FCHSD2: variants seen among roughly 807,000 people sequenced by gnomAD.
FCHSD2 encodes the protein F-BAR and double SH3 domains protein 2.
Under a neutral mutation model 108.1 loss-of-function variants are expected in FCHSD2, and 38 were observed. The ratio of observed to expected loss-of-function variants is 0.35; its 90% CI spans 0.27 to 0.46. The LOEUF is 0.46. FCHSD2 is among the 20% of genes least tolerant of loss of function. The pLI is 1.00. For missense variants in FCHSD2, 751 were observed against 897.8 expected, an observed-to-expected ratio of 0.84 and a Z score of 2.09; for synonymous variants, 279 against 314.7, an observed-to-expected ratio of 0.89 and a Z score of 1.20.
At chr11:72,969,177 C>G (rs945635790) in intron 8 of FCHSD2, among the ~76,000 whole-genome samples, 1 of 152,200 alleles carries the variant, frequency 6.6e-6, no homozygotes, top group Non-Finnish European at 1.5e-5. Context: ...GTAGCCATGT[C>G]AAAATCAGTG....
At chr11:72,878,051 T>C (rs2135226941) in intron 12 of FCHSD2, among the ~76,000 whole-genome samples, 1 of 152,068 alleles carries the variant, frequency 6.6e-6, no homozygotes, top group Admixed American at 6.6e-5. Context: ...TGATTAGGAA[T>C]AAAACTTTTT....
intron 13 of FCHSD2, among the ~76,000 whole-genome samples, chr11:72,855,255 C>A (rs1434004646): frequency 2.0e-5 from 3 of 150,308 alleles, no homozygotes; most frequent in Non-Finnish European, 4.4e-5. Flanking sequence ...CTTGCCTGGG[C>A]AACAAGAGCA....
intron 8 of FCHSD2, among the ~76,000 whole-genome samples, chr11:72,959,948 G>A (rs1420272312): frequency 1.3e-5 from 2 of 151,924 alleles, no homozygotes; most frequent in Admixed American, 6.6e-5. Context: ...CTTTGAGGAA[G>A]ATGGTTTTAA....
chr11:72,922,518 T>C (rs1358667004), intron 8 of FCHSD2, among the ~76,000 whole-genome samples: 1 of 152,070 alleles, frequency 6.6e-6, no homozygotes, highest in African/African-American at 2.4e-5. Context: ...CTTAAACATT[T>C]TGTAACAGGG....
At chr11:72,874,284 T>C (rs1346122133) in intron 12 of FCHSD2, among the ~76,000 whole-genome samples, 1 of 152,172 alleles carries the variant, frequency 6.6e-6, no homozygotes, top group Non-Finnish European at 1.5e-5. Flanking sequence ...ACTGCTGGGC[T>C]CAAGTGATCC....
chr11:72,938,317 C>G (rs956573200), intron 8 of FCHSD2, among the ~76,000 whole-genome samples: 1 of 151,428 alleles, frequency 6.6e-6, no homozygotes, highest in African/African-American at 2.4e-5. Context: ...AAGATTTATA[C>G]TTGAATTTAA....
At position 73,053,629 on chromosome 11, in the gene FCHSD2, AG is replaced by A. The variant is rs1174145148; in HGVS notation, c.165+30065del. Among the ~76,000 whole-genome samples the A allele has an allele frequency of 2.6e-5, 4 of 152,224 alleles. No homozygotes were observed. In the East Asian group the frequency reaches 7.7e-4, roughly 29 times the overall value. On this transcript the variant is annotated intron_variant, in intron 3 of 19. Coordinates refer to ENST00000409418, the MANE Select transcript of FCHSD2 (RefSeq NM_014824.3). ...TCCAACCTAGATTAGATAAACTAAT[AG>A]CAAAAAGCAAATCTATGTCATATTA...
At chr11:73,111,446 GA>G (rs1860482551) in intron 2 of FCHSD2, among the ~76,000 whole-genome samples, 1 of 147,976 alleles carries the variant, frequency 6.8e-6, no homozygotes, top group Non-Finnish European at 1.5e-5. Flanking sequence ...CATTAGCATG[GA>G]ATATCTTTCT....
intron 8 of FCHSD2, among the ~76,000 whole-genome samples, chr11:72,950,072 A>C (rs1048125015): frequency 5.3e-5 from 8 of 152,146 alleles, no homozygotes; most frequent in Non-Finnish European, 1.5e-5. Context: ...TAGTCATCCT[A>C]GCGGATGTGA....
intron 8 of FCHSD2, among the ~76,000 whole-genome samples, chr11:72,922,581 T>C (rs911669865): frequency 6.6e-6 from 1 of 152,120 alleles, no homozygotes; most frequent in African/African-American, 2.4e-5. Flanking sequence ...TGAGGAATGA[T>C]TAAGCTATGA....
At chr11:73,137,702 A>G (rs1861150853) in intron 2 of FCHSD2, among the ~76,000 whole-genome samples, 1 of 152,214 alleles carries the variant, frequency 6.6e-6, no homozygotes, top group South Asian at 2.1e-4. Flanking sequence ...GTCAGGTGAA[A>G]AAGTGGGAGG....
At chr11:72,940,537 A>G (rs142402738) in intron 8 of FCHSD2, 7 of 965,234 alleles carry the variant, frequency 7.3e-6, no homozygotes, top group Admixed American at 5.1e-5. Flanking sequence ...ATGGAGAAAG[A>G]AGTAGTCTCA....
At chr11:73,090,382 C>T (rs1381395265) in intron 2 of FCHSD2, among the ~76,000 whole-genome samples, 3 of 151,872 alleles carry the variant, frequency 2.0e-5, no homozygotes, top group South Asian at 4.1e-4. Flanking sequence ...CCCGCCACTA[C>T]GCCCAGCTAA....
chr11:72,913,846 A>AC (rs1340058401), intron 9 of FCHSD2, among the ~76,000 whole-genome samples: 25 of 151,458 alleles, frequency 1.7e-4, no homozygotes, highest in Admixed American at 2.6e-4. Context: ...AAAAAAAAAA[A>AC]CCCTAGAAAT....
intron 6 of FCHSD2, among the ~76,000 whole-genome samples, chr11:72,986,803 T>C (rs989685475): frequency 6.6e-6 from 1 of 152,160 alleles, no homozygotes; most frequent in Non-Finnish European, 1.5e-5. Flanking sequence ...TTCTCAAACA[T>C]TTCAATCTAG....
chr11:73,077,129 GA>G (rs149998754), intron 3 of FCHSD2, among the ~76,000 whole-genome samples: 5,607 of 133,004 alleles, frequency 0.042, 180 homozygotes, highest in African/African-American at 0.096. Context: ...AGAAAAAAAA[GA>G]AAAAAAAAAG....
chr11:72,938,748 A>G (rs1172663133), intron 8 of FCHSD2, among the ~76,000 whole-genome samples: 4 of 152,222 alleles, frequency 2.6e-5, no homozygotes, highest in Admixed American at 2.0e-4. Context: ...GAATTACATT[A>G]GTCACAATTT....
At chr11:72,991,994 T>C (rs1394955196) in intron 5 of FCHSD2, among the ~76,000 whole-genome samples, 1 of 152,212 alleles carries the variant, frequency 6.6e-6, no homozygotes, top group Non-Finnish European at 1.5e-5. Flanking sequence ...GATGACATGA[T>C]TGTTTATTTA....
Position 72,847,837 on chromosome 11 carries a change from C to T in FCHSD2, c.1443+1918G>A, listed in dbSNP as rs755951965. Among the ~76,000 whole-genome samples, 11 of 151,888 alleles carry T rather than the reference C, an allele frequency of 7.2e-5. No homozygotes were observed. In the East Asian group the frequency reaches 9.7e-4, roughly 13 times the overall value. On this transcript the variant is annotated intron_variant, in intron 14 of 19. Coordinates refer to ENST00000409418, the MANE Select transcript of FCHSD2 (RefSeq NM_014824.3). The stretch of plus-strand genomic sequence containing the variant: ...CCTCCCTAGTAGCTGAGATTACAGG[C>T]GCCCGCCACCACGCCCAGCTAATTT...
Sources: gnomAD v4.1 joint callset for allele counts (sites outside exome capture counted in the v4.1 genomes callset) on GRCh38, gnomAD v4.1.1 for gene constraint, MANE v1.5 for transcripts, NCBI Gene and HGNC (gene_info 2026-07-23, HGNC 2026-07-21) for gene names.